MTUS1: variants seen among roughly 807,000 people sequenced by gnomAD.
The protein encoded by MTUS1 is microtubule-associated tumor suppressor 1.
MTUS1 carries 109 observed loss-of-function variants against 120.8 expected under a neutral mutation model. The observed-to-expected ratio is 0.90, with a 90% CI of 0.77 to 1.06. The LOEUF is 1.06. MTUS1 is among the 50% of genes least tolerant of loss of function. The pLI is 0.00. For synonymous variants in MTUS1, 737 were observed against 550.5 expected, an observed-to-expected ratio of 1.34 and a Z score of -4.74; for missense variants, 2,210 against 1,486.3, an observed-to-expected ratio of 1.49 and a Z score of -8.01.
intron 1 of MTUS1, among the ~76,000 whole-genome samples, chr8:17,790,695 T>C (rs933637808): frequency 3.9e-5 from 6 of 152,188 alleles, no homozygotes; most frequent in Non-Finnish European, 5.9e-5. Flanking sequence ...TCATAACTAC[T>C]GCATGACTTG....
chr8:17,729,822 C>G (rs1460973986), intron 3 of MTUS1, among the ~76,000 whole-genome samples: 1 of 151,212 alleles, frequency 6.6e-6, no homozygotes, highest in Non-Finnish European at 1.5e-5. Flanking sequence ...ACCAAAAAAC[C>G]CAATTTAAAA....
chr8:17,774,251 G>A (rs1407447383), intron 1 of MTUS1, among the ~76,000 whole-genome samples: 1 of 152,246 alleles, frequency 6.6e-6, no homozygotes, highest in African/African-American at 2.4e-5. Context: ...TACTAGTTTG[G>A]GAAAACACTA....
At chr8:17,665,789 G>T (rs1352821129) in intron 8 of MTUS1, among the ~76,000 whole-genome samples, 1 of 152,180 alleles carries the variant, frequency 6.6e-6, no homozygotes, top group Non-Finnish European at 1.5e-5. Flanking sequence ...CAGGGTAGTA[G>T]GGCTTAATTC....
At chr8:17,649,817 G>T in intron 13 of MTUS1, 29 bp downstream of exon 13, 1 of 1,260,672 alleles carries the variant, frequency 7.9e-7, no homozygotes, top group Non-Finnish European at 1.2e-6. Flanking sequence ...CCATTTGTAA[G>T]ATCCTCTTTC....
At chr8:17,749,252 C>G (rs1278954164) in intron 2 of MTUS1, among the ~76,000 whole-genome samples, 2 of 152,168 alleles carry the variant, frequency 1.3e-5, no homozygotes, top group Non-Finnish European at 1.5e-5. Context: ...AAGCCGGCTA[C>G]CTGAAGGTTT....
Position 17,767,701 on chromosome 8 carries a change from A to C in MTUS1, c.-154-11740T>G, listed in dbSNP as rs530022753. Among the ~76,000 whole-genome samples the C allele has an allele frequency of 1.5e-3, 123 of 83,762 alleles. 1 individual carries two copies. The highest frequency in any genetic ancestry group is 5.6e-3 in the Middle Eastern group (1 of 180). The allele number at this position is 83,762 out of a possible 152,430, so 55.0% of individuals were successfully genotyped here. On this transcript the variant is annotated intron_variant, in intron 1 of 14. Transcript: ENST00000693296. Reference sequence around the variant, plus strand: ...GTGATAGAGCAAGACCCTGTCTCTTAAAAAAAAAAAAAAAAAACGGTGTGA... The same window carrying C: ...GTGATAGAGCAAGACCCTGTCTCTTCAAAAAAAAAAAAAAAAACGGTGTGA...
At chr8:17,679,022 A>G (rs578078352) in intron 7 of MTUS1, among the ~76,000 whole-genome samples, 74 of 152,302 alleles carry the variant, frequency 4.9e-4, no homozygotes, top group African/African-American at 1.8e-3. Context: ...GATTCATGAG[A>G]TATAAGAATG....
At chr8:17,647,322 G>C in intron 13 of MTUS1, 1 of 399,360 alleles carries the variant, frequency 2.5e-6, no homozygotes. Context: ...GTGGGTAACA[G>C]ATTTGTTCCA....
At chr8:17,693,019 C>T (rs930469870) in intron 6 of MTUS1, among the ~76,000 whole-genome samples, 1 of 152,142 alleles carries the variant, frequency 6.6e-6, no homozygotes, top group Admixed American at 6.5e-5. Context: ...TACTGAATTG[C>T]CTTCACTGGA....
At chr8:17,752,180 T>C (rs1053511112) in intron 2 of MTUS1, among the ~76,000 whole-genome samples, 1 of 150,218 alleles carries the variant, frequency 6.7e-6, no homozygotes, top group Non-Finnish European at 1.5e-5. Flanking sequence ...AGTTTCAAAA[T>C]TACACAACCA....
intron 7 of MTUS1, among the ~76,000 whole-genome samples, chr8:17,678,296 T>G (rs12115037): frequency 2.1e-3 from 321 of 152,336 alleles, no homozygotes; most frequent in African/African-American, 7.4e-3. Flanking sequence ...GATAAACTCT[T>G]AACCGTCTAG....
At chr8:17,736,594 G>T (rs56012353) in intron 3 of MTUS1, among the ~76,000 whole-genome samples, 115 of 151,544 alleles carry the variant, frequency 7.6e-4, no homozygotes, top group African/African-American at 2.7e-3. Flanking sequence ...TTTTTTGCTT[G>T]TTTTTTTTGA....
intron 5 of MTUS1, 137 bp downstream of exon 5, chr8:17,715,630 T>TA: frequency 1.1e-6 from 1 of 942,738 alleles, no homozygotes; most frequent in Non-Finnish European, 1.6e-6. Flanking sequence ...TGCAAAAATG[T>TA]ATTATATCTC....
chr8:17,662,021 T>G (rs1442447468), intron 8 of MTUS1, among the ~76,000 whole-genome samples: 1 of 152,140 alleles, frequency 6.6e-6, no homozygotes, highest in Non-Finnish European at 1.5e-5. Flanking sequence ...GTTCTCAGAG[T>G]GCTCCTCGGC....
Position 17,723,695 on chromosome 8 carries a change from TC to T in MTUS1, c.2425del (p.Glu809SerfsTer2). ...STPSIASTHS[E>X]LSTYSNNSGN... ...ACAATTGTTGCTGTAAGTGCTCAGC[TC>T]ACTGTGGGTGCTGGCTATTGAGGGG... On this transcript the variant is annotated frameshift_variant, in exon 4 of 15. Transcript: ENST00000693296. LOFTEE classifies it high-confidence loss of function. The T allele has an allele frequency of 1.2e-6, 2 of 1,610,760 alleles. No individual in the cohort carries two copies. The highest frequency in any genetic ancestry group is 1.7e-6 in the Non-Finnish European group (2 of 1,177,636).
intron 7 of MTUS1, among the ~76,000 whole-genome samples, chr8:17,680,264 GAC>G (rs1397588982): frequency 5.9e-5 from 9 of 151,934 alleles, no homozygotes; most frequent in Non-Finnish European, 1.2e-4. Flanking sequence ...AGGACTTTAA[GAC>G]CAGCCTGGCC....
intron 4 of MTUS1, among the ~76,000 whole-genome samples, chr8:17,717,349 G>A (rs567187156): frequency 2.0e-5 from 3 of 152,232 alleles, no homozygotes; most frequent in South Asian, 2.1e-4. Flanking sequence ...TAAAGACACC[G>A]CCATTACAAC....
chr8:17,692,789 A>G (rs1275713078), intron 6 of MTUS1, among the ~76,000 whole-genome samples: 1 of 152,144 alleles, frequency 6.6e-6, no homozygotes, highest in Non-Finnish European at 1.5e-5. Flanking sequence ...AATCTGTACA[A>G]TAAACTCTGT....
At chr8:17,697,420 C>G in intron 6 of MTUS1, 1 of 1,611,170 alleles carries the variant, frequency 6.2e-7, no homozygotes, top group South Asian at 1.1e-5. Context: ...GAGGCAATTT[C>G]CATGGACTGT....
Sources: allele counts gnomAD v4.1 joint callset (sites outside exome capture counted in the v4.1 genomes callset), GRCh38; gene constraint gnomAD v4.1.1; transcripts MANE v1.5; gene names NCBI Gene and HGNC (gene_info 2026-07-23, HGNC 2026-07-21).